KSR2: variants seen among roughly 807,000 people sequenced by gnomAD.
KSR2 encodes the protein kinase suppressor of ras 2.
A neutral mutation model predicts 107.8 loss-of-function variants in KSR2; 25 were observed. The observed-to-expected ratio is 0.23, with a 90% CI of 0.17 to 0.32. KSR2 has a LOEUF of 0.32. Ranked by LOEUF, KSR2 falls within the 10% of genes least tolerant of loss-of-function variation. The pLI, the probability that KSR2 is intolerant of heterozygous loss-of-function variation, is 1.00. For missense variants in KSR2, 887 were observed against 1,268.9 expected (o/e 0.70, Z 4.57); for synonymous variants, 480 against 507.0 (o/e 0.95, Z 0.71).
At chr12:117,773,089 T>G (rs1889564309) in intron 3 of KSR2, among the ~76,000 whole-genome samples, 1 of 152,230 alleles carries the variant, frequency 6.6e-6, no homozygotes, top group Non-Finnish European at 1.5e-5. Flanking sequence ...GTTTCACTGA[T>G]GAGCTGTATT....
chr12:117,597,625 C>T (rs1009834088), intron 5 of KSR2, among the ~76,000 whole-genome samples: 1 of 152,158 alleles, frequency 6.6e-6, no homozygotes, highest in African/African-American at 2.4e-5. Flanking sequence ...CCCCACAAGA[C>T]TTGTTTTGGA....
At chr12:117,514,571 G>GTT (rs1874245824) in intron 14 of KSR2, among the ~76,000 whole-genome samples, 1 of 146,552 alleles carries the variant, frequency 6.8e-6, no homozygotes, top group African/African-American at 2.5e-5. Context: ...TTGAGACAGG[G>GTT]TTTCACTCTG....
intron 1 of KSR2, among the ~76,000 whole-genome samples, chr12:117,900,109 T>A (rs914448113): frequency 6.6e-6 from 1 of 152,218 alleles, no homozygotes; most frequent in Admixed American, 6.5e-5. Context: ...GGATGTCTGA[T>A]CCACAGAAAC....
chr12:117,875,265 CA>C (rs1893798726), intron 1 of KSR2, among the ~76,000 whole-genome samples: 1 of 151,932 alleles, frequency 6.6e-6, no homozygotes, highest in Admixed American at 6.6e-5. Context: ...AAATCCAACC[CA>C]GAGACCTCCG....
intron 1 of KSR2, among the ~76,000 whole-genome samples, chr12:117,924,962 T>C (rs1895464977): frequency 6.6e-6 from 1 of 152,170 alleles, no homozygotes; most frequent in East Asian, 1.9e-4. Context: ...AGATGCATAC[T>C]GAAGTATTTA....
At chr12:117,865,718 C>T (rs1191009385) in intron 1 of KSR2, among the ~76,000 whole-genome samples, 1 of 152,112 alleles carries the variant, frequency 6.6e-6, no homozygotes, top group Non-Finnish European at 1.5e-5. Context: ...TGCCTCGTGC[C>T]TTTAAAAAAG....
chr12:117,490,057 T>TAA (rs1265969037), intron 14 of KSR2, among the ~76,000 whole-genome samples: 1 of 152,172 alleles, frequency 6.6e-6, no homozygotes, highest in Non-Finnish European at 1.5e-5. Flanking sequence ...CCTATATATA[T>TAA]AATAGCAAAC....
chr12:117,560,237 A>C (rs1260716492), intron 7 of KSR2, among the ~76,000 whole-genome samples: 2 of 152,162 alleles, frequency 1.3e-5, no homozygotes, highest in Non-Finnish European at 2.9e-5. Context: ...TCTGGGTCTG[A>C]AAAAGCCCTC....
intron 16 of KSR2, among the ~76,000 whole-genome samples, chr12:117,478,956 T>A (rs10735107): frequency 2.6e-5 from 4 of 151,858 alleles, no homozygotes; most frequent in Non-Finnish European, 1.5e-5. Flanking sequence ...AGATAGAAAA[T>A]GTTTGTTCAT....
chr12:117,955,976 C>T (rs961479391), intron 1 of KSR2, among the ~76,000 whole-genome samples: 5 of 151,750 alleles, frequency 3.3e-5, no homozygotes, highest in Admixed American at 1.3e-4. Flanking sequence ...GCCAGCCAGG[C>T]GCAGTGGTTC....
intron 9 of KSR2, among the ~76,000 whole-genome samples, chr12:117,540,150 C>A (rs1005986410): frequency 3.3e-5 from 5 of 152,076 alleles, no homozygotes; most frequent in African/African-American, 1.2e-4. Flanking sequence ...TAATGAAAAC[C>A]AAACAGGTGA....
intron 3 of KSR2, among the ~76,000 whole-genome samples, chr12:117,846,292 ATTTTT>A (rs35755364): frequency 7.8e-6 from 1 of 127,520 alleles, no homozygotes. Flanking sequence ...TTACCATTTG[ATTTTT>A]TTTTTTTTTT....
intron 3 of KSR2, among the ~76,000 whole-genome samples, chr12:117,804,409 G>A (rs1417811455): frequency 6.6e-6 from 1 of 152,144 alleles, no homozygotes; most frequent in Admixed American, 6.5e-5. Flanking sequence ...AAGACCATAT[G>A]GCCTTTGAAG....
chr12:117,687,872 T>C (rs1385262530), intron 4 of KSR2, among the ~76,000 whole-genome samples: 4 of 152,104 alleles, frequency 2.6e-5, no homozygotes, highest in Non-Finnish European at 1.5e-5. Context: ...AGCTGTCAAG[T>C]CATCCCTGCT....
At chr12:117,468,621 C>T (rs569598633) in intron 19 of KSR2, among the ~76,000 whole-genome samples, 2 of 152,306 alleles carry the variant, frequency 1.3e-5, no homozygotes, top group South Asian at 4.2e-4. Flanking sequence ...GGCTATGGTA[C>T]ACCACGCACA....
Position 117,760,886 on chromosome 12 carries a change from T to G in KSR2, c.986+125A>C. On this transcript the variant is annotated intron_variant, in intron 4 of 19. Transcript: ENST00000339824. Reference sequence around the variant, plus strand: ...CCCTCTGTGAAAAGCCATTTTTCATTCAACCAGAGTCTGGAACGCAAGTCT... The same window carrying G: ...CCCTCTGTGAAAAGCCATTTTTCATGCAACCAGAGTCTGGAACGCAAGTCT... The G allele has an allele frequency of 4.1e-6, 5 of 1,223,912 alleles. No homozygotes were observed. The South Asian group carries it at 6.8e-5, about 17-fold the overall frequency. 75.8% of individuals were successfully genotyped at this position (1,223,912 alleles called of 1,614,324 possible).
chr12:117,676,463 CTAAGAAGGAGAA>C (rs1885123647), intron 4 of KSR2, among the ~76,000 whole-genome samples: 1 of 147,446 alleles, frequency 6.8e-6, no homozygotes, highest in Admixed American at 6.8e-5. Context: ...GCAAAAGATA[CTAAGAAGGAGAA>C]AAAGAAGGGG....
chr12:117,962,005 T>A (rs1896673019), intron 1 of KSR2, among the ~76,000 whole-genome samples: 1 of 151,852 alleles, frequency 6.6e-6, no homozygotes, highest in Non-Finnish European at 1.5e-5. Flanking sequence ...ATTAGCTGGG[T>A]GCAGTGACAT....
At chr12:117,860,862 G>A (rs1893267564) in intron 1 of KSR2, among the ~76,000 whole-genome samples, 1 of 152,060 alleles carries the variant, frequency 6.6e-6, no homozygotes. Context: ...GGGATTACAG[G>A]CGCGCGCCAC....
Sources: allele counts gnomAD v4.1 joint callset (sites outside exome capture counted in the v4.1 genomes callset), GRCh38; gene constraint gnomAD v4.1.1; transcripts MANE v1.5; gene names NCBI Gene and HGNC (gene_info 2026-07-23, HGNC 2026-07-21).